MUSK: variants seen among roughly 807,000 people sequenced by gnomAD.
MUSK encodes the protein muscle, skeletal receptor tyrosine-protein kinase.
In MUSK, 55 loss-of-function variants were observed where a neutral mutation model predicts 88.7. The observed-to-expected ratio is 0.62, with a 90% CI of 0.50 to 0.78. The LOEUF is 0.78. Among genes scored for constraint, MUSK ranks in the 30% least tolerant of loss-of-function variants. The pLI, the probability that MUSK is intolerant of heterozygous loss-of-function variation, is 0.00. For synonymous variants in MUSK, 387 were observed against 391.9 expected, an observed-to-expected ratio of 0.99 and a Z score of 0.15; for missense variants, 1,015 against 1,074.3, an observed-to-expected ratio of 0.94 and a Z score of 0.77.
intron 5 of MUSK, among the ~76,000 whole-genome samples, chr9:110,721,233 T>G (rs2076807434): frequency 6.6e-6 from 1 of 152,086 alleles, no homozygotes; most frequent in South Asian, 2.1e-4. Context: ...CTGGAAGTCC[T>G]AGCCAGAGCA....
At position 110,801,477 on chromosome 9, in the gene MUSK, C is replaced by A. The variant is rs1457216350; in HGVS notation, c.*489C>A. On this transcript the variant is annotated 3_prime_UTR_variant, in exon 15 of 15. Transcript: ENST00000374448. ...GAAAAGCCACTCATTCTGTCTCCCC[C>A]CAAAGACGAGTCTTAGTGTTTTATT... 1 of 152,470 alleles carries A rather than the reference C, an allele frequency of 6.6e-6. No individual in the cohort carries two copies. Among genetic ancestry groups the A allele is most frequent in the East Asian group, 1.9e-4 (1 of 5,198 alleles). 9.4% of individuals were successfully genotyped at this position (152,470 alleles called of 1,614,324 possible). A position where few individuals can be genotyped will look rare whatever the true frequency, so the allele number is the denominator to read the frequency against.
intron 3 of MUSK, among the ~76,000 whole-genome samples, chr9:110,689,552 T>TTATATATAC (rs1564217382): frequency 2.8e-5 from 1 of 36,300 alleles, no homozygotes; most frequent in African/African-American, 1.9e-4. Context: ...GTTATATATA[T>TTATATATAC]TTATATATTA....
At chr9:110,783,143 C>T (rs2077790551) in intron 11 of MUSK, among the ~76,000 whole-genome samples, 1 of 152,086 alleles carries the variant, frequency 6.6e-6, no homozygotes, top group Non-Finnish European at 1.5e-5. Context: ...AATATGTCCC[C>T]TTCTATTAAA....
intron 6 of MUSK, among the ~76,000 whole-genome samples, chr9:110,736,110 A>C (rs1285159595): frequency 6.6e-6 from 1 of 152,154 alleles, no homozygotes; most frequent in East Asian, 1.9e-4. Flanking sequence ...ACAATATTTA[A>C]GTATTTCAAA....
chr9:110,736,172 T>C (rs1215409138), intron 6 of MUSK, among the ~76,000 whole-genome samples: 1 of 152,088 alleles, frequency 6.6e-6, no homozygotes, highest in Non-Finnish European at 1.5e-5. Context: ...AATGACAAAT[T>C]ACTTAGGTGA....
At chr9:110,675,064 CATTT>C (rs1275521512) in intron 1 of MUSK, among the ~76,000 whole-genome samples, 1 of 151,932 alleles carries the variant, frequency 6.6e-6, no homozygotes, top group African/African-American at 2.4e-5. Flanking sequence ...AAATGGTTTC[CATTT>C]ATTTATTCCT....
chr9:110,745,090 G>C (rs1035937011), intron 6 of MUSK, among the ~76,000 whole-genome samples: 23 of 152,316 alleles, frequency 1.5e-4, no homozygotes, highest in African/African-American at 4.8e-4. Flanking sequence ...AATCAAGCAA[G>C]GCCTCTGGAA....
chr9:110,695,415 C>A lies in MUSK; in HGVS notation c.371C>A (p.Thr124Asn). 6.6e-7 allele frequency: 1 copy of A among 1,512,930 alleles called. No individual in the cohort carries two copies. The highest frequency in any genetic ancestry group is 9.0e-7 in the Non-Finnish European group (1 of 1,116,844). 93.7% of individuals were successfully genotyped at this position (1,512,930 alleles called of 1,614,324 possible). The change falls in exon 4 of 15, where the codon ACT (threonine) becomes AAT (asparagine). Residue 124 changes from threonine (T) to asparagine (N), a missense_variant. Thr to Asn is a moderately conservative substitution (Grantham distance 65). Coordinates refer to ENST00000374448, the MANE Select transcript of MUSK (RefSeq NM_005592.4). ...ALQVKMKPKI[T>N]RPPINVKIIE... Reference sequence around the variant, plus strand: ...CATTTCTTTTTAGAACCTAAAATAACTCGTCCTCCCATAAATGTGAAAATA... The same window carrying A: ...CATTTCTTTTTAGAACCTAAAATAAATCGTCCTCCCATAAATGTGAAAATA...
At chr9:110,678,707 A>C (rs943294655) in intron 1 of MUSK, among the ~76,000 whole-genome samples, 1 of 152,074 alleles carries the variant, frequency 6.6e-6, no homozygotes, top group East Asian at 1.9e-4. Flanking sequence ...CAAGAATGTG[A>C]CATATAATCT....
At chr9:110,718,081 T>C (rs1360926991) in intron 5 of MUSK, among the ~76,000 whole-genome samples, 1 of 152,122 alleles carries the variant, frequency 6.6e-6, no homozygotes, top group Non-Finnish European at 1.5e-5. Context: ...TTGAATGGGC[T>C]GAAGGATCTA....
chr9:110,727,522 A>G (rs1003249225), intron 5 of MUSK: 2 of 157,620 alleles, frequency 1.3e-5, no homozygotes, highest in Non-Finnish European at 2.8e-5. Context: ...CATTCTGAGA[A>G]TGGTCCTACA....
chr9:110,749,454 C>T (rs1024345625), intron 7 of MUSK, among the ~76,000 whole-genome samples: 3 of 152,000 alleles, frequency 2.0e-5, no homozygotes, highest in Admixed American at 6.6e-5. Context: ...GGCTAGACCA[C>T]GAGAGAGACA....
intron 1 of MUSK, among the ~76,000 whole-genome samples, chr9:110,672,317 G>A (rs558185907): frequency 1.3e-5 from 2 of 152,270 alleles, no homozygotes; most frequent in South Asian, 4.2e-4. Flanking sequence ...GAAAGGAGTG[G>A]CTCTATTCAG....
At chr9:110,688,051 G>A (rs1245863205) in intron 3 of MUSK, among the ~76,000 whole-genome samples, 2 of 152,054 alleles carry the variant, frequency 1.3e-5, no homozygotes, top group Non-Finnish European at 2.9e-5. Context: ...AACACTAGTA[G>A]GTAATCTCCC....
rs950541523 is a variant in MUSK, at chr9:110,801,068, C to G, written c.*80C>G. The stretch of plus-strand genomic sequence containing the variant: ...GGGGAATCCTACACCAGAGGCCCAA[C>G]AAGACCCACATAGGAAAGAGTAAGA... On this transcript the variant is annotated 3_prime_UTR_variant, in exon 15 of 15. Transcript: ENST00000374448. The G allele has an allele frequency of 7.3e-6, 9 of 1,226,896 alleles. No individual in the cohort carries two copies. The highest frequency in any genetic ancestry group is 9.8e-6 in the Non-Finnish European group (9 of 914,432). 76.0% of individuals were successfully genotyped at this position (1,226,896 alleles called of 1,614,324 possible).
chr9:110,715,736 G>T (rs2076734997), intron 5 of MUSK, among the ~76,000 whole-genome samples: 1 of 148,778 alleles, frequency 6.7e-6, no homozygotes, highest in Non-Finnish European at 1.5e-5. Flanking sequence ...GCCCATCAAT[G>T]ATAGACTGGA....
intron 5 of MUSK, among the ~76,000 whole-genome samples, chr9:110,715,355 T>G (rs1402909300): frequency 1.3e-5 from 2 of 149,614 alleles, no homozygotes; most frequent in Non-Finnish European, 2.9e-5. Flanking sequence ...ATAAAAAACC[T>G]GAAGTTCAGA....
intron 5 of MUSK, among the ~76,000 whole-genome samples, chr9:110,705,705 G>A (rs2076590110): frequency 6.6e-6 from 1 of 152,204 alleles, no homozygotes; most frequent in African/African-American, 2.4e-5. Flanking sequence ...GCACCGCTAG[G>A]TAAGAACTAT....
At chr9:110,697,266 C>G in intron 4 of MUSK, 59 bp from the exon 5 acceptor site, 1 of 1,569,568 alleles carries the variant, frequency 6.4e-7, no homozygotes, top group Non-Finnish European at 8.7e-7. Context: ...TGATATTTGG[C>G]AAATGTATCC....
Sources: allele counts gnomAD v4.1 joint callset (sites outside exome capture counted in the v4.1 genomes callset), GRCh38; gene constraint gnomAD v4.1.1; transcripts MANE v1.5; gene names NCBI Gene and HGNC (gene_info 2026-07-23, HGNC 2026-07-21).